Variants in SHMT1 observed in about 807,000 individuals in gnomAD.
The protein encoded by SHMT1 is serine hydroxymethyltransferase, cytosolic.
Under a neutral mutation model 49.0 loss-of-function variants are expected in SHMT1, and 45 were observed. The observed-to-expected ratio is 0.92, with a 90% confidence interval of 0.72 to 1.18. SHMT1 has a LOEUF of 1.18. Among genes scored for constraint, SHMT1 ranks in the 50% most tolerant of loss-of-function variants. The probability of loss-of-function intolerance (pLI) is 0.00; values close to 1 mark genes in which losing one functional copy is unlikely to be tolerated. For synonymous variants in SHMT1, 232 were observed against 246.6 expected (o/e 0.94, Z 0.55); for missense variants, 541 against 612.4 (o/e 0.88, Z 1.23).
At chr17:18,355,050 CAAAAAAAAAAAAAAAAAAAAA>C (rs768492183) in intron 2 of SHMT1, among the ~76,000 whole-genome samples, 1 of 24,458 alleles carries the variant, frequency 4.1e-5, no homozygotes, top group Admixed American at 7.9e-4. Flanking sequence ...GACTATATCT[CAAAAAAAAAAAAAAAAAAAAA>C]AAAAAAAAAA....
chr17:18,329,026 G>T, intron 11 of SHMT1, 107 bp from the exon 12 acceptor site: 1 of 1,412,702 alleles, frequency 7.1e-7, no homozygotes, highest in Non-Finnish European at 9.9e-7. Flanking sequence ...TGGGGAGTGT[G>T]GCAGGGCACA....
chr17:18,336,610 G>A (rs1044706108), intron 7 of SHMT1, among the ~76,000 whole-genome samples: 13 of 151,842 alleles, frequency 8.6e-5, no homozygotes, highest in Admixed American at 2.0e-4. Flanking sequence ...AGGTTGTAGC[G>A]AGCCGAGATT....
In SHMT1 at chr17:18,328,886, G is replaced by A. The variant is rs758246853; in HGVS notation, c.1316C>T (p.Thr439Ile). Residue 439 changes from threonine to isoleucine, a missense_variant, in exon 12 of 12, where the codon ACT becomes ATT. Physicochemically the swap from Thr to Ile is moderately conservative, Grantham distance 89 (BLOSUM62 -1). Transcript: ENST00000316694. Reference sequence around the variant, plus strand: ...CTCTTTCAGGGTGGCTCTGACACCAGTGTCGCTCTGGATCTGCAGGGTCAG... The same window carrying A: ...CTCTTTCAGGGTGGCTCTGACACCAATGTCGCTCTGGATCTGCAGGGTCAG... ...IELTLQIQSD[T>I]GVRATLKEFK... 1.5e-4 allele frequency: 249 copies of A among 1,613,866 alleles called. No homozygotes were observed. Among genetic ancestry groups the A allele is most frequent in the Non-Finnish European group, 2.0e-4 (240 of 1,180,030 alleles).
At chr17:18,329,176 G>A in intron 11 of SHMT1, 102 bp downstream of exon 11, 1 of 940,394 alleles carries the variant, frequency 1.1e-6, no homozygotes. Context: ...ACTCAGCCTT[G>A]GTGCAGAATT....
chr17:18,340,134 C>T lies in SHMT1; in HGVS notation c.723G>A (p.Val241=). The change falls in exon 7 of 12, where the codon GTG becomes GTA. Residue 241 remains valine (V), a synonymous_variant. Coordinates refer to ENST00000316694, the MANE Select transcript of SHMT1 (RefSeq NM_004169.5). The surrounding 1 kb of genome is among the most constrained non-coding windows in gnomAD (Gnocchi z 4.5). ...CATGGCAGTGTTCAAATGGGGAGGGCACCACGCCAGCCGCCACCAGCCCGC... is the reference window on the plus strand; with the variant it reads ...CATGGCAGTGTTCAAATGGGGAGGGTACCACGCCAGCCGCCACCAGCCCGC... ...HISGLVAAGV[V]PSPFEHCHVV... 6 of 1,614,132 alleles carry T rather than the reference C, an allele frequency of 3.7e-6. No homozygotes were observed. The highest frequency in any genetic ancestry group is 5.1e-6 in the Non-Finnish European group (6 of 1,180,030).
intron 1 of SHMT1, chr17:18,363,040 G>A (rs1018747876): frequency 2.6e-5 from 4 of 152,282 alleles, no homozygotes; most frequent in African/African-American, 9.6e-5. Context: ...TTGTGAAGGA[G>A]CTAGGATTGT....
chr17:18,352,841 A>C (rs997914252), intron 3 of SHMT1, among the ~76,000 whole-genome samples: 1 of 151,636 alleles, frequency 6.6e-6, no homozygotes, highest in East Asian at 1.9e-4. Flanking sequence ...AAAAAAAAGA[A>C]AACACCTGGT....
At chr17:18,345,689 A>AT (rs755749480) in intron 5 of SHMT1, among the ~76,000 whole-genome samples, 3 of 140,486 alleles carry the variant, frequency 2.1e-5, no homozygotes, top group South Asian at 2.4e-4. Flanking sequence ...TTATTTATTT[A>AT]TTTTTTTTGA....
At chr17:18,332,740 TG>T (rs1983350951) in intron 9 of SHMT1, 2 of 303,616 alleles carry the variant, frequency 6.6e-6, no homozygotes, top group Non-Finnish European at 1.3e-5. Context: ...TGCAGGAAAC[TG>T]GGAGGGGAGA....
At chr17:18,331,210 G>A (rs1168554208) in intron 9 of SHMT1, 1 of 238,730 alleles carries the variant, frequency 4.2e-6, no homozygotes, top group East Asian at 1.0e-4. Context: ...TCATACAGGA[G>A]GATCCTTCCA....
rs764314003 is a variant in SHMT1, at chr17:18,346,526, G to A, written c.519+970C>T. 2.2e-4 allele frequency among the ~76,000 whole-genome samples: 34 copies of A among 152,278 alleles called. 1 individual carries two copies. The highest frequency in any genetic ancestry group is 5.9e-4 in the Admixed American group (9 of 15,284). On this transcript the variant is annotated intron_variant, in intron 5 of 11. Coordinates refer to ENST00000316694, the MANE Select transcript of SHMT1 (RefSeq NM_004169.5). ...AGCACTTGGCACTGGTTCTGATGGT[G>A]TTGGTTCCACTGCTGGGCTGGCTGC...
intron 11 of SHMT1, 133 bp from the exon 12 acceptor site, chr17:18,329,052 C>T: frequency 8.5e-7 from 1 of 1,173,800 alleles, no homozygotes; most frequent in Non-Finnish European, 1.2e-6. Context: ...TCCATGCTTA[C>T]CTCAATTACT....
intron 3 of SHMT1, among the ~76,000 whole-genome samples, chr17:18,351,193 T>G (rs1339510652): frequency 6.6e-6 from 1 of 151,854 alleles, no homozygotes; most frequent in Non-Finnish European, 1.5e-5. Context: ...CAGGCTGGAG[T>G]GCAGTGGCGC....
chr17:18,335,761 G>C, intron 7 of SHMT1, 86 bp from the exon 8 acceptor site: 1 of 954,256 alleles, frequency 1.0e-6, no homozygotes. Context: ...GGCCAGGGAA[G>C]AATCAAGCAC....
At chr17:18,346,083 CT>C (rs1224032414) in intron 5 of SHMT1, among the ~76,000 whole-genome samples, 2 of 152,106 alleles carry the variant, frequency 1.3e-5, no homozygotes, top group African/African-American at 4.8e-5. Flanking sequence ...CCTAGGTGTT[CT>C]GTGAAAAGAA....
chr17:18,355,577 A>G (rs1986163890), intron 2 of SHMT1, among the ~76,000 whole-genome samples: 1 of 151,988 alleles, frequency 6.6e-6, no homozygotes. Context: ...AAATAAAATA[A>G]AGGTGCTTTC....
intron 7 of SHMT1, among the ~76,000 whole-genome samples, chr17:18,338,668 G>C (rs1202708206): frequency 6.6e-6 from 1 of 152,242 alleles, no homozygotes; most frequent in Admixed American, 6.5e-5. Flanking sequence ...TGCTGTGTCT[G>C]TGTAGAAAGA....
intron 1 of SHMT1, among the ~76,000 whole-genome samples, chr17:18,358,521 C>T (rs1198270742): frequency 6.6e-6 from 1 of 152,058 alleles, no homozygotes; most frequent in Non-Finnish European, 1.5e-5. Flanking sequence ...CAGGGCTGCA[C>T]AGAAAGTTAG....
Position 18,340,826 on chromosome 17 carries a change from A to C in SHMT1, c.520-13T>G, listed in dbSNP as rs1196874854. 6.2e-7 allele frequency: 1 copy of C among 1,609,520 alleles called. No individual in the cohort carries two copies. Among genetic ancestry groups the C allele is most frequent in the South Asian group, 1.1e-5 (1 of 90,178 alleles). ...TATCTGGGTTCACCTGTGGAATGTC[A>C]GGGAGGCAGGTTCAGGCTGCTTCCT... On this transcript the variant is annotated splice_polypyrimidine_tract_variant and intron_variant, in intron 5 of 11. Coordinates refer to ENST00000316694, the MANE Select transcript of SHMT1 (RefSeq NM_004169.5). This position sits in a 1 kb window ranked among gnomAD's most constrained non-coding sequence, Gnocchi z 4.5.
Sources: gnomAD v4.1 joint callset for allele counts (sites outside exome capture counted in the v4.1 genomes callset) on GRCh38, gnomAD v4.1.1 for gene constraint, Gnocchi (gnomAD v3.1) non-coding constraint, MANE v1.5 for transcripts, NCBI Gene and HGNC (gene_info 2026-07-23, HGNC 2026-07-21) for gene names.